The following PPFIA4 variants were observed in gnomAD, a reference collection of about 807,000 sequenced individuals.
PPFIA4 encodes PPFI scaffold protein A4.
PPFIA4 carries 98 observed loss-of-function variants against 145.7 expected under a neutral mutation model. The ratio of observed to expected loss-of-function variants is 0.67; its 90% CI spans 0.57 to 0.80. The LOEUF (loss-of-function observed/expected upper bound fraction) is 0.80, where lower values mean the gene tolerates loss of function less well. Among genes scored for constraint, PPFIA4 ranks in the 30% least tolerant of loss-of-function variants. The pLI is 0.00. For synonymous variants in PPFIA4, 628 were observed against 649.6 expected, an observed-to-expected ratio of 0.97 and a Z score of 0.51; for missense variants, 1,457 against 1,632.7, an observed-to-expected ratio of 0.89 and a Z score of 1.85.
chr1:203,044,672 T>A, intron 5 of PPFIA4, 24 bp from the exon 6 acceptor site: 2 of 1,537,996 alleles, frequency 1.3e-6, no homozygotes, highest in African/African-American at 1.4e-5. Context: ...TTTGACTCAT[T>A]GCCCTGGGGC....
chr1:203,059,702 G>A, intron 20 of PPFIA4, 68 bp from the exon 21 acceptor site: 1 of 1,365,810 alleles, frequency 7.3e-7, no homozygotes, highest in Non-Finnish European at 1.0e-6. Context: ...CAGCCCAGTG[G>A]TCCCTGGAGC....
chr1:203,053,036 C>G (rs1273627668), intron 14 of PPFIA4, among the ~76,000 whole-genome samples: 1 of 152,188 alleles, frequency 6.6e-6, no homozygotes, highest in Non-Finnish European at 1.5e-5. Context: ...CTCATTTGAT[C>G]CTCACAGCTA....
At position 203,075,546 on chromosome 1, in the gene PPFIA4, C is replaced by A; in HGVS notation, c.3394-31C>A. 1 of 1,370,452 alleles carries A rather than the reference C, an allele frequency of 7.3e-7. No individual in the cohort carries two copies. The allele number at this position is 1,370,452 out of a possible 1,614,324, so 84.9% of individuals were successfully genotyped here. ...GTGAGGATGGCAATTCCAACAGGGC[C>A]CTCGGGCCTCTGGTGTCCCCCATGG... is the stretch of plus-strand genomic sequence containing the variant. On this transcript the variant is annotated intron_variant, in intron 28 of 29. Transcript: ENST00000295706. This position sits in a 1 kb window ranked among gnomAD's most constrained non-coding sequence, Gnocchi z 4.1.
rs775692639 is a variant in PPFIA4, at chr1:203,068,604, C to T, written c.3300C>T (p.Leu1100=). 4 of 1,561,236 alleles carry T rather than the reference C, an allele frequency of 2.6e-6. No individual in the cohort carries two copies. The highest frequency in any genetic ancestry group is 3.5e-6 in the Non-Finnish European group (4 of 1,156,560). Residue 1100 remains leucine, a synonymous_variant, in exon 27 of 30, where the codon CTC becomes CTT. Coordinates refer to ENST00000295706, the MANE Select transcript of PPFIA4 (RefSeq NM_001304331.2). The surrounding 1 kb of genome is among the most constrained non-coding windows in gnomAD (Gnocchi z 4.7). The part of the protein sequence containing the change: ...NFDHNTLALI[L]QIPTQNTQAR... ...ACCACAACACACTGGCCCTGATCCTCCAGATCCCCACACAGAACACCCAGG... is the reference window on the plus strand; with the variant it reads ...ACCACAACACACTGGCCCTGATCCTTCAGATCCCCACACAGAACACCCAGG...
intron 1 of PPFIA4, among the ~76,000 whole-genome samples, chr1:203,029,831 G>A (rs1658689460): frequency 6.6e-6 from 1 of 152,200 alleles, no homozygotes; most frequent in African/African-American, 2.4e-5. Flanking sequence ...TAATATGAAT[G>A]TATAGATATG....
chr1:203,074,344 G>A (rs981975449), intron 28 of PPFIA4, among the ~76,000 whole-genome samples: 1 of 152,090 alleles, frequency 6.6e-6, no homozygotes, highest in Admixed American at 6.5e-5. Flanking sequence ...ATTGAATACT[G>A]TTGGCATTTG....
At chr1:203,069,837 C>T (rs548176270) in intron 27 of PPFIA4, among the ~76,000 whole-genome samples, 2 of 128,748 alleles carry the variant, frequency 1.6e-5, no homozygotes, top group African/African-American at 3.0e-5. Flanking sequence ...CTGGATTTTT[C>T]CCCCAAGTGC....
chr1:203,055,408 G>T lies in PPFIA4; in HGVS notation c.1830-24G>T, dbSNP rs1660860644. 1.2e-6 allele frequency: 2 copies of T among 1,612,796 alleles called. No homozygotes were observed. The highest frequency in any genetic ancestry group is 2.7e-5 in the African/African-American group (2 of 75,030). On this transcript the variant is annotated intron_variant, in intron 15 of 29. Transcript: ENST00000295706. This position sits in a 1 kb window ranked among gnomAD's most constrained non-coding sequence, Gnocchi z 4.8. ...TGGTCCTGGCTGGGGCTAGTGGTGA[G>T]GTCTGGTTTTGCCTCCCTTCCAGGA... is the stretch of plus-strand genomic sequence containing the variant.
At chr1:203,076,170 A>C in intron 29 of PPFIA4, 171 bp from the exon 30 acceptor site, 1 of 729,836 alleles carries the variant, frequency 1.4e-6, no homozygotes, top group Non-Finnish European at 2.3e-6. Context: ...CTGCCGCTCC[A>C]GTCCCGCTTA....
intron 1 of PPFIA4, among the ~76,000 whole-genome samples, chr1:203,033,188 T>C (rs1356177982): frequency 6.6e-6 from 1 of 152,200 alleles, no homozygotes; most frequent in East Asian, 1.9e-4. Flanking sequence ...CTGGAGCGTA[T>C]TGTGTGTTAT....
Position 203,051,799 on chromosome 1 carries a change from G to A in PPFIA4, c.1542G>A (p.Arg514=), listed in dbSNP as rs1660527854. 4 of 1,613,542 alleles carry A rather than the reference G, an allele frequency of 2.5e-6. No homozygotes were observed. Among genetic ancestry groups the A allele is most frequent in the South Asian group, 2.2e-5 (2 of 90,932 alleles). The change falls in exon 14 of 30, where the codon CGG becomes CGA. Residue 514 remains arginine, a synonymous_variant. Transcript: ENST00000295706. ...ACATGGGCAGTGCAGCAGACGTGCG[G>A]TTCTCCCTGGGCACAACCACACACG... ...RSHMGSAADV[R]FSLGTTTHAP...
intron 1 of PPFIA4, among the ~76,000 whole-genome samples, chr1:203,032,882 G>T (rs1054463132): frequency 1.3e-5 from 2 of 152,092 alleles, no homozygotes; most frequent in African/African-American, 4.8e-5. Flanking sequence ...AAACCAAGAG[G>T]ATCATGGTTT....
chr1:203,061,850 C>G (rs565601330), intron 24 of PPFIA4, among the ~76,000 whole-genome samples, 172 bp downstream of exon 24: 11 of 151,982 alleles, frequency 7.2e-5, no homozygotes, highest in South Asian at 2.1e-4. Context: ...CCTCAAACTG[C>G]TTGTTCTGGT....
At position 203,075,615 on chromosome 1, in the gene PPFIA4, G is replaced by A; in HGVS notation, c.3432G>A (p.Arg1144=). 2 of 1,481,176 alleles carry A rather than the reference G, an allele frequency of 1.4e-6. No homozygotes were observed. Among genetic ancestry groups the A allele is most frequent in the Non-Finnish European group, 1.8e-6 (2 of 1,114,486 alleles). The allele number at this position is 1,481,176 out of a possible 1,614,324, so 91.8% of individuals were successfully genotyped here. ...DKVFRRAPSW[R]KRFRPREHHG... ...TGTTTCGCCGCGCGCCCTCCTGGAG[G>A]AAGCGCTTCCGGCCGCGGGAGCACC... is the stretch of plus-strand genomic sequence containing the variant. The change falls in exon 29 of 30, where the codon AGG becomes AGA. Residue 1144 remains arginine, a synonymous_variant. Transcript: ENST00000295706. The surrounding 1 kb of genome is among the most constrained non-coding windows in gnomAD (Gnocchi z 4.1).
intron 25 of PPFIA4, among the ~76,000 whole-genome samples, chr1:203,064,268 C>G (rs900723411): frequency 6.6e-6 from 1 of 152,180 alleles, no homozygotes; most frequent in African/African-American, 2.4e-5. Context: ...AGTCATTTTT[C>G]TTTAGCTTCA....
intron 2 of PPFIA4, among the ~76,000 whole-genome samples, chr1:203,040,665 G>T (rs1659636926): frequency 6.6e-6 from 1 of 152,222 alleles, no homozygotes; most frequent in South Asian, 2.1e-4. Context: ...ATTAAGCACA[G>T]TATCAGTGAT....
intron 1 of PPFIA4, among the ~76,000 whole-genome samples, chr1:203,033,233 A>G (rs938822046): frequency 7.2e-5 from 11 of 152,206 alleles, no homozygotes; most frequent in African/African-American, 2.7e-4. Flanking sequence ...ACCTGATCAC[A>G]GAGGGGTAAA....
At chr1:203,037,446 G>A (rs563945629) in intron 1 of PPFIA4, among the ~76,000 whole-genome samples, 1 of 152,190 alleles carries the variant, frequency 6.6e-6, no homozygotes, top group Non-Finnish European at 1.5e-5. Context: ...TGTGCCTATT[G>A]CTGTGCTGAG....
chr1:203,045,327 T>A (rs1199194672), intron 6 of PPFIA4, 41 bp from the exon 7 acceptor site: 1 of 1,493,492 alleles, frequency 6.7e-7, no homozygotes, highest in South Asian at 1.4e-5. Context: ...GTGGGTGGGA[T>A]GCTGCTGTGA....
Sources: gnomAD v4.1 joint callset for allele counts (sites outside exome capture counted in the v4.1 genomes callset) on GRCh38, gnomAD v4.1.1 for gene constraint, Gnocchi (gnomAD v3.1) non-coding constraint, MANE v1.5 for transcripts, NCBI Gene and HGNC (gene_info 2026-07-23, HGNC 2026-07-21) for gene names.